The following MAST4 variants were observed in gnomAD, a reference collection of about 807,000 sequenced individuals.
The protein encoded by MAST4 is microtubule-associated serine/threonine-protein kinase 4.
Under a neutral mutation model 162.7 loss-of-function variants are expected in MAST4, and 89 were observed. That is an observed-to-expected ratio of 0.55 (90% CI 0.46 to 0.65). The LOEUF is 0.65. Ranked by LOEUF, MAST4 falls within the 30% of genes least tolerant of loss-of-function variation. The pLI, the probability that MAST4 is intolerant of heterozygous loss-of-function variation, is 0.00. For synonymous variants in MAST4, 1,479 were observed against 1,361.1 expected (o/e 1.09, Z -1.91); for missense variants, 3,153 against 3,374.0 (o/e 0.93, Z 1.62).
intron 21 of MAST4, among the ~76,000 whole-genome samples, chr5:67,143,757 G>A (rs1770706989): frequency 6.6e-6 from 1 of 152,166 alleles, no homozygotes; most frequent in Admixed American, 6.5e-5. Context: ...TTTGCTAAGT[G>A]TGGACTCAGA....
intron 2 of MAST4, among the ~76,000 whole-genome samples, chr5:66,787,137 G>A (rs1370391739): frequency 6.6e-6 from 1 of 152,124 alleles, no homozygotes; most frequent in Non-Finnish European, 1.5e-5. Flanking sequence ...TTTTACTGCT[G>A]TTATGGCTAA....
At chr5:66,866,368 G>A (rs1438704941) in intron 3 of MAST4, among the ~76,000 whole-genome samples, 1 of 152,090 alleles carries the variant, frequency 6.6e-6, no homozygotes, top group Non-Finnish European at 1.5e-5. Flanking sequence ...TAGTTCTGTG[G>A]GTTTTTAGAA....
chr5:66,700,261 A>G (rs1197564680), intron 1 of MAST4, among the ~76,000 whole-genome samples: 1 of 152,226 alleles, frequency 6.6e-6, no homozygotes, highest in Non-Finnish European at 1.5e-5. Flanking sequence ...TTTTATAGAA[A>G]TGATTCTATT....
chr5:67,101,233 G>T (rs1764996707), intron 8 of MAST4, among the ~76,000 whole-genome samples: 1 of 152,208 alleles, frequency 6.6e-6, no homozygotes, highest in Admixed American at 6.5e-5. Flanking sequence ...GGCAGGATTG[G>T]ACAGAGGGAG....
At chr5:67,115,865 A>G (rs1766838377) in intron 12 of MAST4, among the ~76,000 whole-genome samples, 1 of 151,748 alleles carries the variant, frequency 6.6e-6, no homozygotes, top group African/African-American at 2.4e-5. Flanking sequence ...AAACAGAACC[A>G]TCTTTTAATT....
chr5:66,924,901 C>G (rs1454868150), intron 4 of MAST4, among the ~76,000 whole-genome samples: 2 of 152,086 alleles, frequency 1.3e-5, no homozygotes, highest in Non-Finnish European at 2.9e-5. Context: ...TTCAGTGTTA[C>G]AGTCTCAGCA....
intron 1 of MAST4, among the ~76,000 whole-genome samples, chr5:66,640,332 G>C (rs951148716): frequency 6.7e-6 from 1 of 149,738 alleles, no homozygotes; most frequent in Admixed American, 6.6e-5. Flanking sequence ...TTTTGAGACG[G>C]AGTCTCGCTC....
intron 4 of MAST4, chr5:66,964,150 T>G (rs1466097819): frequency 2.2e-6 from 1 of 447,454 alleles, no homozygotes; most frequent in East Asian, 6.6e-5. Flanking sequence ...ACCTGTTGCC[T>G]CAAACTATTT....
chr5:66,749,243 C>T (rs1752980015), intron 1 of MAST4, among the ~76,000 whole-genome samples: 1 of 152,002 alleles, frequency 6.6e-6, no homozygotes, highest in Non-Finnish European at 1.5e-5. Context: ...TCTCTGAGGT[C>T]CAGTCTGAGA....
chr5:66,752,339 C>T (rs1171528351), intron 1 of MAST4, among the ~76,000 whole-genome samples: 1 of 150,834 alleles, frequency 6.6e-6, no homozygotes, highest in Non-Finnish European at 1.5e-5. Context: ...AATTAAAAGA[C>T]ACAGACTGGC....
At chr5:67,050,686 T>C (rs534613222) in intron 4 of MAST4, among the ~76,000 whole-genome samples, 13 of 152,352 alleles carry the variant, frequency 8.5e-5, no homozygotes, top group African/African-American at 3.1e-4. Context: ...TCTCAAGTTG[T>C]TATATGACTG....
intron 1 of MAST4, among the ~76,000 whole-genome samples, chr5:66,740,854 G>A (rs915609659): frequency 6.6e-6 from 1 of 152,116 alleles, no homozygotes; most frequent in African/African-American, 2.4e-5. Flanking sequence ...AGCTAACTGT[G>A]GGTCTCTGAT....
intron 1 of MAST4, among the ~76,000 whole-genome samples, chr5:66,609,052 A>ATT (rs33928003): frequency 0.011 from 1,372 of 130,086 alleles, 15 homozygotes; most frequent in South Asian, 0.022. Context: ...TCTCCCTTAG[A>ATT]TTTTTTTTTT....
chr5:66,641,447 G>A (rs892858871), intron 1 of MAST4, among the ~76,000 whole-genome samples: 5 of 152,142 alleles, frequency 3.3e-5, no homozygotes, highest in Admixed American at 6.5e-5. Context: ...GTGAGCCACC[G>A]TACCTGGTCT....
At chr5:66,742,468 A>G (rs1752529002) in intron 1 of MAST4, among the ~76,000 whole-genome samples, 1 of 152,174 alleles carries the variant, frequency 6.6e-6, no homozygotes, top group Non-Finnish European at 1.5e-5. Context: ...CATGGTTAAA[A>G]AAACAAAAAG....
intron 4 of MAST4, among the ~76,000 whole-genome samples, chr5:66,911,558 ACCCCCCCCC>A (rs59771853): frequency 5.5e-5 from 1 of 18,068 alleles, no homozygotes; most frequent in African/African-American, 1.6e-4. Flanking sequence ...AACAACAACA[ACCCCCCCCC>A]CCCCCCCCGC....
chr5:66,841,375 A>C (rs1241885701), intron 3 of MAST4, among the ~76,000 whole-genome samples: 1 of 152,098 alleles, frequency 6.6e-6, no homozygotes, highest in Non-Finnish European at 1.5e-5. Context: ...TATTACAATG[A>C]CTCTACCAAT....
At chr5:66,809,464 TGTC>T (rs1201247100) in intron 3 of MAST4, among the ~76,000 whole-genome samples, 2 of 152,210 alleles carry the variant, frequency 1.3e-5, no homozygotes, top group Non-Finnish European at 1.5e-5. Flanking sequence ...GTCATCCTGT[TGTC>T]GTGTTCCTTC....
chr5:67,130,385 C>A lies in MAST4; in HGVS notation c.1921C>A (p.Arg641Ser). The A allele has an allele frequency of 6.2e-7, 1 of 1,613,916 alleles. No homozygotes were observed. Among genetic ancestry groups the A allele is most frequent in the Non-Finnish European group, 8.5e-7 (1 of 1,179,866 alleles). Reference protein sequence around the residue: ...VSMYCSFETRRHLCMVMEYVE... With the variant: ...VSMYCSFETRSHLCMVMEYVE... ...CATGTATTGCTCCTTTGAAACAAGG[C>A]GCCACTTGTGCATGGTCATGGAATA... The change falls in exon 15 of 29, where the codon CGC becomes AGC. Residue 641 changes from arginine to serine, a missense_variant. Physicochemically the swap from Arg to Ser is moderately radical, Grantham distance 110. Transcript: ENST00000403625.
Sources: allele counts gnomAD v4.1 joint callset (sites outside exome capture counted in the v4.1 genomes callset), GRCh38; gene constraint gnomAD v4.1.1; transcripts MANE v1.5; gene names NCBI Gene and HGNC (gene_info 2026-07-23, HGNC 2026-07-21).